TF: variants seen among roughly 807,000 people sequenced by gnomAD.
The protein encoded by TF is transferrin.
TF carries 55 observed loss-of-function variants against 82.4 expected under a neutral mutation model. The observed-to-expected ratio is 0.67, with a 90% CI of 0.54 to 0.84. The LOEUF is 0.84. Among genes scored for constraint, TF ranks in the 40% least tolerant of loss-of-function variants. TF has a pLI of 0.00. For synonymous variants in TF, 332 were observed against 332.6 expected (o/e 1.00, Z 0.02); for missense variants, 737 against 868.4 (o/e 0.85, Z 1.90).
intron 5 of TF, 123 bp downstream of exon 5, chr3:133,755,618 C>T (rs1933805373): frequency 2.2e-6 from 3 of 1,385,922 alleles, no homozygotes; most frequent in South Asian, 2.5e-5. Context: ...GCCTAATCCC[C>T]TCCCAGTGAG....
chr3:133,696,023 G>A, the TF span, among the ~76,000 whole-genome samples: 61 of 152,276 alleles, frequency 4.0e-4, no homozygotes, highest in African/African-American at 1.3e-3. Context: ...GGCACTTCCC[G>A]TTTATGTAGC....
At chr3:133,743,489 G>A (rs190424711), upstream of TF, among the ~76,000 whole-genome samples, 19 of 152,240 alleles carry the variant, frequency 1.2e-4, no homozygotes, top group East Asian at 3.1e-3. Context: ...GGTTTCCTGG[G>A]AGAGGCAGTG....
chr3:133,719,502 G>A, the TF span, among the ~76,000 whole-genome samples: 1 of 152,090 alleles, frequency 6.6e-6, no homozygotes, highest in African/African-American at 2.4e-5. Flanking sequence ...GTTCCTTGTG[G>A]TGTCTCCCTC....
intron 11 of TF, among the ~76,000 whole-genome samples, chr3:133,765,406 C>T (rs1380808907): frequency 2.0e-5 from 3 of 152,182 alleles, no homozygotes; most frequent in African/African-American, 7.2e-5. Flanking sequence ...GGAACCCAGG[C>T]CAACCTGGCT....
rs1934610761 is a variant in TF at position 133,784,623 on chromosome 3, C to T, written c.*6003C>T. 1 of 152,020 alleles carries T rather than the reference C, an allele frequency of 6.6e-6. No homozygotes were observed. Among genetic ancestry groups the T allele is most frequent in the Non-Finnish European group, 1.5e-5 (1 of 68,026 alleles). The allele number at this position is 152,020 out of a possible 1,614,324, so 9.4% of individuals were successfully genotyped here. ...ATTAAGTGAGTTAGAGCAGGAGTCC[C>T]CAACCCCTGGATCTAGGTTGCACGC... On this transcript the variant is annotated 3_prime_UTR_variant, in exon 17 of 17. Transcript: ENST00000402696.
At chr3:133,706,381 A>C in the TF span, among the ~76,000 whole-genome samples, 1 of 152,166 alleles carries the variant, frequency 6.6e-6, no homozygotes, top group Non-Finnish European at 1.5e-5. Flanking sequence ...ACTAGGAGGC[A>C]AGTTCCTCCG....
At chr3:133,744,145 G>A (rs1933445513), upstream of TF, among the ~76,000 whole-genome samples, 1 of 152,268 alleles carries the variant, frequency 6.6e-6, no homozygotes, top group African/African-American at 2.4e-5. Flanking sequence ...AGAGCTGGCT[G>A]CTCTGGAGAG....
the TF span, among the ~76,000 whole-genome samples, chr3:133,685,386 C>G: frequency 6.6e-6 from 1 of 152,076 alleles, no homozygotes; most frequent in Non-Finnish European, 1.5e-5. Context: ...AAAGGGTATT[C>G]GATTAGGAAA....
intron 2 of TF, among the ~76,000 whole-genome samples, chr3:133,749,085 G>A (rs543957098): frequency 1.2e-3 from 176 of 152,216 alleles, no homozygotes; most frequent in African/African-American, 3.9e-3. Context: ...CACTTGAACC[G>A]GGGAGGCAGA....
At chr3:133,776,352 T>A (rs1309887775) in intron 15 of TF, among the ~76,000 whole-genome samples, 2 of 152,114 alleles carry the variant, frequency 1.3e-5, no homozygotes, top group Admixed American at 1.3e-4. Flanking sequence ...GCTGCCTGAG[T>A]ATTCTAATCC....
the TF span, among the ~76,000 whole-genome samples, chr3:133,704,800 G>T: frequency 6.6e-6 from 1 of 152,206 alleles, no homozygotes; most frequent in Admixed American, 6.5e-5. Context: ...AGGTGGGGCT[G>T]CAAGGTCATG....
intron 14 of TF, chr3:133,774,663 T>C (rs1033818981): frequency 1.2e-5 from 2 of 168,518 alleles, no homozygotes; most frequent in African/African-American, 2.4e-5. Context: ...AGGAGGCTTT[T>C]AGTTAATATA....
chr3:133,748,181 C>T (rs1238902234), intron 1 of TF: 4 of 583,414 alleles, frequency 6.9e-6, no homozygotes, highest in Non-Finnish European at 1.2e-5. Flanking sequence ...CATGCCTGCA[C>T]CCCTCTGGCC....
At chr3:133,669,102 G>A in the TF span, among the ~76,000 whole-genome samples, 1 of 152,076 alleles carries the variant, frequency 6.6e-6, no homozygotes, top group East Asian at 1.9e-4. Context: ...CCGGGTTCAA[G>A]CGATTTTCTT....
At chr3:133,703,446 G>T in the TF span, among the ~76,000 whole-genome samples, 4 of 152,244 alleles carry the variant, frequency 2.6e-5, no homozygotes, top group East Asian at 3.9e-4. Flanking sequence ...GCTGTTGATT[G>T]GACAAATTTA....
chr3:133,764,995 G>C, intron 11 of TF, 88 bp downstream of exon 11: 1 of 1,394,408 alleles, frequency 7.2e-7, no homozygotes, highest in Non-Finnish European at 1.0e-6. Flanking sequence ...AAGTATATAA[G>C]GTGCTGTAAG....
At chr3:133,717,540 G>C in the TF span, among the ~76,000 whole-genome samples, 1 of 152,192 alleles carries the variant, frequency 6.6e-6, no homozygotes, top group Admixed American at 6.6e-5. Flanking sequence ...TGTTGTTACA[G>C]TTCATCAGTT....
At chr3:133,713,253 T>C in the TF span, among the ~76,000 whole-genome samples, 3 of 152,230 alleles carry the variant, frequency 2.0e-5, no homozygotes, top group Non-Finnish European at 1.5e-5. Flanking sequence ...GAGCACCTAA[T>C]AGGTATTGTT....
chr3:133,731,452 G>T, the TF span, among the ~76,000 whole-genome samples: 8 of 152,198 alleles, frequency 5.3e-5, no homozygotes, highest in Non-Finnish European at 7.4e-5. Context: ...ATGTCCTCCA[G>T]CTGAGCTCAG....
Sources: allele counts gnomAD v4.1 joint callset (sites outside exome capture counted in the v4.1 genomes callset), GRCh38; gene constraint gnomAD v4.1.1; transcripts MANE v1.5; gene names NCBI Gene and HGNC (gene_info 2026-07-23, HGNC 2026-07-21).